DDAH1: variants seen among roughly 807,000 people sequenced by gnomAD.
DDAH1 encodes N(G),N(G)-dimethylarginine dimethylaminohydrolase 1.
In DDAH1, 19 loss-of-function variants were observed where a neutral mutation model predicts 28.8. The observed-to-expected ratio is 0.66, with a 90% CI of 0.46 to 0.97. DDAH1 has a LOEUF of 0.97. Among genes scored for constraint, DDAH1 ranks in the 50% least tolerant of loss-of-function variants. The pLI is 0.00. For synonymous variants in DDAH1, 153 were observed against 154.4 expected (o/e 0.99, Z 0.07); for missense variants, 326 against 375.9 (o/e 0.87, Z 1.10).
chr1:85,430,868 T>C (rs1146379), intron 1 of DDAH1, among the ~76,000 whole-genome samples: 95,922 of 151,860 alleles, frequency 0.63, 30,371 homozygotes, highest in African/African-American at 0.67. Flanking sequence ...CTCTTCCTAT[T>C]TGAATACCCT....
In DDAH1 at chr1:85,350,454, G is replaced by A. The variant is rs1481249999; in HGVS notation, c.558C>T (p.Ile186=). 1.1e-5 allele frequency: 18 copies of A among 1,613,932 alleles called. No homozygotes were observed. Among genetic ancestry groups the A allele is most frequent in the South Asian group, 4.4e-5 (4 of 91,084 alleles). ...SFCSMAGPNL[I]AIGSSESAQK... ...GTGCAGATTCACTAGACCCAATTGC[G>A]ATCAGGTTAGGCCCAGCCATGCTGC... The change falls in exon 4 of 6, where the codon ATC becomes ATT. Residue 186 remains isoleucine, a synonymous_variant. Transcript: ENST00000284031.
intron 1 of DDAH1, chr1:85,577,963 A>G: frequency 1.0e-6 from 1 of 985,440 alleles, no homozygotes. Context: ...ATACAGAATT[A>G]GCACCCGAAG....
At chr1:85,556,132 C>T (rs1235131093) in intron 1 of DDAH1, among the ~76,000 whole-genome samples, 2 of 151,844 alleles carry the variant, frequency 1.3e-5, no homozygotes, top group Non-Finnish European at 2.9e-5. Flanking sequence ...CACCCTCCTT[C>T]TCCTTTCCCC....
At chr1:85,471,748 A>C (rs1421900335) in intron 2 of DDAH1, among the ~76,000 whole-genome samples, 1 of 152,226 alleles carries the variant, frequency 6.6e-6, no homozygotes, top group Non-Finnish European at 1.5e-5. Context: ...GATAACATAA[A>C]GTGCCCACGA....
At chr1:85,529,819 A>G (rs1302368778) in intron 1 of DDAH1, among the ~76,000 whole-genome samples, 1 of 148,280 alleles carries the variant, frequency 6.7e-6, no homozygotes, top group Non-Finnish European at 1.5e-5. Context: ...GGAATAGATA[A>G]GTAAATGAAT....
chr1:85,398,898 T>C (rs1214146784), intron 1 of DDAH1: 1 of 152,212 alleles, frequency 6.6e-6, no homozygotes, highest in African/African-American at 2.4e-5. Context: ...GTCCACCTAG[T>C]GGGTAACTTC....
chr1:85,365,511 C>G (rs1463456639), intron 1 of DDAH1, among the ~76,000 whole-genome samples: 1 of 152,172 alleles, frequency 6.6e-6, no homozygotes, highest in East Asian at 1.9e-4. Context: ...CCACTACTTT[C>G]TCATCAGAGT....
chr1:85,402,908 C>A (rs1450116695), intron 1 of DDAH1, among the ~76,000 whole-genome samples: 15 of 113,508 alleles, frequency 1.3e-4, no homozygotes, highest in African/African-American at 2.9e-4. Flanking sequence ...GACTCCATCT[C>A]AAAAAAAAAA....
intron 3 of DDAH1, 118 bp from the exon 4 acceptor site, chr1:85,350,652 G>T (rs919067232): frequency 1.7e-5 from 21 of 1,247,276 alleles, no homozygotes; most frequent in Admixed American, 1.3e-4. Flanking sequence ...TGAATATTTG[G>T]AAGAAAAACT....
intron 1 of DDAH1, among the ~76,000 whole-genome samples, chr1:85,428,808 G>C (rs1653533977): frequency 6.6e-6 from 1 of 152,020 alleles, no homozygotes; most frequent in Non-Finnish European, 1.5e-5. Context: ...TAGAGGATAA[G>C]AACGCTGCTG....
At chr1:85,559,248 G>A (rs931131433) in intron 1 of DDAH1, among the ~76,000 whole-genome samples, 2 of 152,174 alleles carry the variant, frequency 1.3e-5, no homozygotes, top group African/African-American at 4.8e-5. Flanking sequence ...CACCAGCAGA[G>A]TCACATCTTA....
At chr1:85,383,564 A>C (rs561473869) in intron 1 of DDAH1, among the ~76,000 whole-genome samples, 8 of 152,348 alleles carry the variant, frequency 5.3e-5, no homozygotes, top group Non-Finnish European at 1.0e-4. Context: ...GTTTGAGAGG[A>C]CTACAATCTT....
At chr1:85,407,965 C>T (rs1435469646) in intron 1 of DDAH1, among the ~76,000 whole-genome samples, 2 of 152,096 alleles carry the variant, frequency 1.3e-5, no homozygotes, top group South Asian at 2.1e-4. Flanking sequence ...TGGAAGACCA[C>T]GCATGTGGAA....
rs1460559751 is a variant in DDAH1, at chr1:85,535,914, C to A, written c.-122-39633G>T. 2.0e-5 allele frequency among the ~76,000 whole-genome samples: 3 copies of A among 152,270 alleles called. No homozygotes were observed. In the South Asian group the frequency reaches 6.2e-4, roughly 32 times the overall value. On this transcript the variant is annotated intron_variant, in intron 1 of 6. Coordinates refer to the DDAH1 transcript ENST00000426972. The stretch of plus-strand genomic sequence containing the variant: ...TCTCGAAAGAAGACATACAAACGGA[C>A]AACAGGTGAATGAAGAAATGCTCAG...
intron 1 of DDAH1, among the ~76,000 whole-genome samples, chr1:85,382,404 A>G (rs980811089): frequency 6.6e-6 from 1 of 152,188 alleles, no homozygotes; most frequent in African/African-American, 2.4e-5. Flanking sequence ...TAAAGGTAGC[A>G]GAGGCTGGAA....
chr1:85,531,890 A>C (rs558248936), intron 1 of DDAH1, among the ~76,000 whole-genome samples: 2 of 151,390 alleles, frequency 1.3e-5, no homozygotes, highest in Non-Finnish European at 2.9e-5. Context: ...AGCTAGAAAA[A>C]GGCAGGGCTG....
intron 4 of DDAH1, among the ~76,000 whole-genome samples, chr1:85,341,722 A>T (rs972184940): frequency 2.0e-5 from 3 of 152,174 alleles, no homozygotes; most frequent in African/African-American, 7.2e-5. Context: ...CTGAGGCAGA[A>T]GAATGGCGTG....
intron 1 of DDAH1, among the ~76,000 whole-genome samples, chr1:85,445,444 T>A (rs1654389802): frequency 6.6e-6 from 1 of 152,154 alleles, no homozygotes; most frequent in South Asian, 2.1e-4. Context: ...TATTTAGAAA[T>A]CTTGACAAAT....
intron 4 of DDAH1, among the ~76,000 whole-genome samples, chr1:85,346,376 C>A (rs1648841151): frequency 6.6e-6 from 1 of 152,110 alleles, no homozygotes; most frequent in African/African-American, 2.4e-5. Context: ...CTGCTCAGAT[C>A]CTGGATACCA....
Sources: gnomAD v4.1 joint callset for allele counts (sites outside exome capture counted in the v4.1 genomes callset) on GRCh38, gnomAD v4.1.1 for gene constraint, MANE v1.5 for transcripts, NCBI Gene and HGNC (gene_info 2026-07-23, HGNC 2026-07-21) for gene names.